Variants in CNOT8 observed in about 807,000 individuals in gnomAD.
CNOT8 encodes CCR4-NOT transcription complex subunit 8.
A neutral mutation model predicts 34.6 loss-of-function variants in CNOT8; 18 were observed. The observed-to-expected ratio is 0.52, with a 90% CI of 0.36 to 0.77. The LOEUF is 0.77. CNOT8 is among the 30% of genes least tolerant of loss of function. CNOT8 has a pLI of 0.00. For missense variants in CNOT8, 189 were observed against 347.9 expected (o/e 0.54, Z 3.63); for synonymous variants, 101 against 118.8 (o/e 0.85, Z 0.98).
At chr5:154,863,547 A>G (rs1761560760) in intron 2 of CNOT8, 152 bp downstream of exon 2, 1 of 664,514 alleles carries the variant, frequency 1.5e-6, no homozygotes, top group East Asian at 2.7e-5. Flanking sequence ...CTCCCACCTC[A>G]CCTTTCCAGG....
At chr5:154,869,124 ATT>A (rs762244525) in intron 3 of CNOT8, among the ~76,000 whole-genome samples, 1 of 143,962 alleles carries the variant, frequency 6.9e-6, no homozygotes, top group African/African-American at 2.5e-5. Flanking sequence ...TTGTTGGTTT[ATT>A]TTTTTTTTTT....
At chr5:154,871,375 A>G (rs1229721982) in intron 4 of CNOT8, among the ~76,000 whole-genome samples, 2 of 152,088 alleles carry the variant, frequency 1.3e-5, no homozygotes, top group South Asian at 2.1e-4. Context: ...CCTGGCCACC[A>G]TGGCAAAACC....
At chr5:154,866,626 C>T (rs1484317369) in intron 3 of CNOT8, among the ~76,000 whole-genome samples, 3 of 152,190 alleles carry the variant, frequency 2.0e-5, no homozygotes, top group South Asian at 2.1e-4. Flanking sequence ...TACTTGCAGC[C>T]GGGCGTGGTG....
At chr5:154,860,806 A>T (rs1196579403) in intron 1 of CNOT8, among the ~76,000 whole-genome samples, 2 of 152,190 alleles carry the variant, frequency 1.3e-5, no homozygotes, top group Non-Finnish European at 2.9e-5. Flanking sequence ...ATTTTTGCCA[A>T]CTGTCTGGCT....
upstream of CNOT8, chr5:154,858,278 C>A (rs1760984633): frequency 2.6e-5 from 4 of 152,012 alleles, no homozygotes; most frequent in Admixed American, 2.6e-4. Context: ...GAGTAAGAAT[C>A]ATGATTAAAT....
chr5:154,875,164 G>A (rs528153396), intron 6 of CNOT8, 126 bp from the exon 7 acceptor site: 21 of 1,015,058 alleles, frequency 2.1e-5, no homozygotes, highest in Admixed American at 1.9e-4. Context: ...TGATCTGCCC[G>A]CCTCAGCCTC....
At position 154,871,727 on chromosome 5, in the gene CNOT8, T is replaced by C; in HGVS notation, c.474-3T>C. 4 of 1,613,940 alleles carry C rather than the reference T, an allele frequency of 2.5e-6. No individual in the cohort carries two copies. The highest frequency in any genetic ancestry group is 1.1e-5 in the South Asian group (1 of 91,066). ...TTAACCTCTGTGGTTTATTCTCTTG[T>C]AGTGGCTATGATTTTGGCTATATGG... On this transcript the variant is annotated splice_polypyrimidine_tract_variant and splice_region_variant and intron_variant, in intron 4 of 6. Transcript: ENST00000285896.
chr5:154,870,945 A>G, intron 4 of CNOT8, 123 bp downstream of exon 4: 1 of 809,320 alleles, frequency 1.2e-6, no homozygotes, highest in Non-Finnish European at 2.0e-6. Flanking sequence ...CCAGAAGTTG[A>G]ATTGGTGCTT....
At chr5:154,860,879 C>A (rs1761268950) in intron 1 of CNOT8, among the ~76,000 whole-genome samples, 1 of 152,140 alleles carries the variant, frequency 6.6e-6, no homozygotes, top group Non-Finnish European at 1.5e-5. Flanking sequence ...AAAACCAATT[C>A]TCTTTTAAAT....
At position 154,863,369 on chromosome 5, in the gene CNOT8, G is replaced by A. The variant is rs373638470; in HGVS notation, c.91G>A (p.Val31Met). 12 of 1,613,338 alleles carry A rather than the reference G, an allele frequency of 7.4e-6. No individual in the cohort carries two copies. Among genetic ancestry groups the A allele is most frequent in the East Asian group, 2.2e-5 (1 of 44,886 alleles). ...AGAGATGAGGAAGATCCGAGAAATC[G>A]TGCTCAGTTACAGTTATATTGCCAT... ...EEEMRKIREI[V>M]LSYSYIAMDT... The change falls in exon 2 of 7, where the codon GTG becomes ATG. Residue 31 changes from valine to methionine, a missense_variant. Around this residue, in one of 2 missense-constraint regions of CNOT8, gnomAD observed 160 missense variants for 321.9 expected, o/e 0.50. Transcript: ENST00000285896.
intron 1 of CNOT8, among the ~76,000 whole-genome samples, chr5:154,862,564 T>A (rs2113261115): frequency 6.6e-6 from 1 of 152,312 alleles, no homozygotes; most frequent in East Asian, 1.9e-4. Flanking sequence ...AGCACTTAAA[T>A]CCCTCACTTC....
chr5:154,872,435 T>G, intron 5 of CNOT8, 106 bp from the exon 6 acceptor site: 1 of 605,016 alleles, frequency 1.7e-6, no homozygotes, highest in Non-Finnish European at 2.9e-6. Context: ...AAATGGCCTG[T>G]CCCCACTTCT....
rs542364761 is a variant in CNOT8 at position 154,871,246 on chromosome 5, G to T, written c.473+424G>T. 6.6e-5 allele frequency among the ~76,000 whole-genome samples: 10 copies of T among 152,024 alleles called. No homozygotes were observed. In the East Asian group the frequency reaches 1.9e-3, roughly 29 times the overall value. On this transcript the variant is annotated intron_variant, in intron 4 of 6. Coordinates refer to ENST00000285896, the MANE Select transcript of CNOT8 (RefSeq NM_001301073.2). ...TTTTTTATATCTCCCATATTAGTCT[G>T]TTAGGTTGTTATTAGAAAGTTCAGA...
intron 3 of CNOT8, chr5:154,867,644 A>G: frequency 3.8e-6 from 1 of 264,002 alleles, no homozygotes; most frequent in Non-Finnish European, 7.6e-6. Flanking sequence ...AGGGAAAAAG[A>G]AAACTTAATT....
chr5:154,869,425 G>GTTTTTT (rs765749537), intron 3 of CNOT8, among the ~76,000 whole-genome samples: 1 of 127,364 alleles, frequency 7.9e-6, no homozygotes, highest in Non-Finnish European at 1.7e-5. Flanking sequence ...GGCCTTGTTG[G>GTTTTTT]TTTTTTTTTT....
At position 154,865,397 on chromosome 5, in the gene CNOT8, C is replaced by T. The variant is rs1221267162; in HGVS notation, c.311+12C>T. On this transcript the variant is annotated intron_variant, in intron 3 of 6. Transcript: ENST00000285896. ...AAATTTAACCTTACGTAAGTGATTT[C>T]TAAATAAATGCGTTAATTTTAAGTT... 1 of 1,565,226 alleles carries T rather than the reference C, an allele frequency of 6.4e-7. No individual in the cohort carries two copies. Among genetic ancestry groups the T allele is most frequent in the Non-Finnish European group, 8.6e-7 (1 of 1,157,344 alleles).
chr5:154,870,545 G>T, intron 3 of CNOT8, 116 bp from the exon 4 acceptor site: 1 of 737,830 alleles, frequency 1.4e-6, no homozygotes, highest in South Asian at 1.9e-5. Flanking sequence ...GATCTATTAA[G>T]TTAGGAAAAG....
At chr5:154,871,089 A>T (rs1372515558) in intron 4 of CNOT8, among the ~76,000 whole-genome samples, 4 of 152,082 alleles carry the variant, frequency 2.6e-5, no homozygotes, top group African/African-American at 4.8e-5. Flanking sequence ...AGAGGGTCAC[A>T]GTACTTGGTT....
At chr5:154,866,802 A>G (rs1464466091) in intron 3 of CNOT8, among the ~76,000 whole-genome samples, 1 of 152,066 alleles carries the variant, frequency 6.6e-6, no homozygotes, top group Non-Finnish European at 1.5e-5. Flanking sequence ...AATCCCAGCT[A>G]CTCAGGAGGC....
Sources: gnomAD v4.1 joint callset for allele counts (sites outside exome capture counted in the v4.1 genomes callset) on GRCh38, gnomAD v4.1.1 for gene constraint, gnomAD v4.1.1 regional missense constraint, MANE v1.5 for transcripts, NCBI Gene and HGNC (gene_info 2026-07-23, HGNC 2026-07-21) for gene names.